The following F2R variants were observed in gnomAD, a reference collection of about 807,000 sequenced individuals.
The protein encoded by F2R is coagulation factor II thrombin receptor.
Under a neutral mutation model 18.3 loss-of-function variants are expected in F2R, and 12 were observed. That is an observed-to-expected ratio of 0.66 (90% confidence interval 0.42 to 1.06). The LOEUF (loss-of-function observed/expected upper bound fraction) is 1.06, where lower values mean the gene tolerates loss of function less well. F2R is among the 50% of genes least tolerant of loss of function. The pLI, the probability that F2R is intolerant of heterozygous loss-of-function variation, is 0.00. For missense variants in F2R, 438 were observed against 530.8 expected (o/e 0.83, Z 1.72); for synonymous variants, 210 against 219.9 (o/e 0.95, Z 0.40).
At chr5:76,718,265 A>T (rs2227752) in intron 1 of F2R, among the ~76,000 whole-genome samples, 4,089 of 152,308 alleles carry the variant, frequency 0.027, 174 homozygotes, top group African/African-American at 0.092. Context: ...AGCAATTAGG[A>T]ATAAGTGGGG....
chr5:76,716,409 G>A lies in F2R; in HGVS notation c.88+14G>A. 7.0e-7 allele frequency: 1 copy of A among 1,425,946 alleles called. No homozygotes were observed. The highest frequency in any genetic ancestry group is 9.2e-7 in the Non-Finnish European group (1 of 1,092,092). The allele number at this position is 1,425,946 out of a possible 1,614,324, so 88.3% of individuals were successfully genotyped here. A position where few individuals can be genotyped will look rare whatever the true frequency, so the allele number is the denominator to read the frequency against. ...CCCGCAGGCCAGGTGAGAGATGCAC[G>A]GGAATGGGGTGCGCGGGCGGAGGGA... On this transcript the variant is annotated intron_variant, in intron 1 of 1. Coordinates refer to ENST00000319211, the MANE Select transcript of F2R (RefSeq NM_001992.5).
chr5:76,719,588 C>A (rs924637855), intron 1 of F2R, among the ~76,000 whole-genome samples: 54 of 146,124 alleles, frequency 3.7e-4, no homozygotes, highest in African/African-American at 1.3e-3. Context: ...GACTCTCTCT[C>A]AAAAAAAAAA....
chr5:76,723,219 C>T (rs2227827), intron 1 of F2R, among the ~76,000 whole-genome samples: 4,340 of 152,256 alleles, frequency 0.029, 72 homozygotes, highest in Non-Finnish European at 0.042. Context: ...TTCACATGTC[C>T]ACATACTGCC....
intron 1 of F2R, among the ~76,000 whole-genome samples, chr5:76,719,429 A>T (rs1167897037): frequency 2.0e-5 from 3 of 152,188 alleles, no homozygotes; most frequent in Non-Finnish European, 4.4e-5. Flanking sequence ...GTCTCTACTA[A>T]AAATACAAAA....
Position 76,733,089 on chromosome 5 carries a change from C to G in F2R, c.864C>G (p.Val288=). The change falls in exon 2 of 2, where the codon GTC becomes GTG. Residue 288 remains valine, a synonymous_variant. Coordinates refer to ENST00000319211, the MANE Select transcript of F2R (RefSeq NM_001992.5). ...TTGTGCCGCTGATCATTTCCACGGT[C>G]TGTTATGTGTCTATCATTCGATGTC... is the stretch of plus-strand genomic sequence containing the variant. ...FFFVPLIIST[V]CYVSIIRCLS... is the part of the protein sequence containing the mutation. 1 of 1,614,184 alleles carries G rather than the reference C, an allele frequency of 6.2e-7. No individual in the cohort carries two copies. Among genetic ancestry groups the G allele is most frequent in the South Asian group, 1.1e-5 (1 of 91,074 alleles).
Position 76,735,578 on chromosome 5 carries a change from G to A in F2R, c.*2075G>A, listed in dbSNP as rs931511021. The A allele has an allele frequency of 2.0e-5, 3 of 152,130 alleles. No homozygotes were observed. Among genetic ancestry groups the A allele is most frequent in the African/African-American group, 7.2e-5 (3 of 41,424 alleles). The allele number at this position is 152,130 out of a possible 1,614,324, so 9.4% of individuals were successfully genotyped here. A position where few individuals can be genotyped will look rare whatever the true frequency, so the allele number is the denominator to read the frequency against. ...TAATATAACTGTATTGTAAGTAGAAGCTAGCACTGGTTTTATTAATTTAGT... is the reference window on the plus strand; with the variant it reads ...TAATATAACTGTATTGTAAGTAGAAACTAGCACTGGTTTTATTAATTTAGT... On this transcript the variant is annotated 3_prime_UTR_variant, in exon 2 of 2. Coordinates refer to ENST00000319211, the MANE Select transcript of F2R (RefSeq NM_001992.5).
rs1411521587 is a variant in F2R, at chr5:76,734,635, A to G, written c.*1132A>G. On this transcript the variant is annotated 3_prime_UTR_variant, in exon 2 of 2. Transcript: ENST00000319211. Reference sequence around the variant, plus strand: ...CCCATTATGCGCTGTGGCCACTCCAATAGGTGCTGAGTGTACAGAGTGGAA... The same window carrying G: ...CCCATTATGCGCTGTGGCCACTCCAGTAGGTGCTGAGTGTACAGAGTGGAA... The G allele has an allele frequency of 1.3e-5, 2 of 152,306 alleles. No individual in the cohort carries two copies. The highest frequency in any genetic ancestry group is 2.9e-5 in the Non-Finnish European group (2 of 68,054). 9.4% of individuals were successfully genotyped at this position (152,306 alleles called of 1,614,324 possible). A position where few individuals can be genotyped will look rare whatever the true frequency, so the allele number is the denominator to read the frequency against.
chr5:76,721,864 T>G (rs1364121014), intron 1 of F2R, among the ~76,000 whole-genome samples: 6 of 151,180 alleles, frequency 4.0e-5, no homozygotes, highest in African/African-American at 9.9e-5. Flanking sequence ...CTGCATTGTA[T>G]GCATTTTGAT....
intron 1 of F2R, among the ~76,000 whole-genome samples, chr5:76,730,397 A>G (rs1027283651): frequency 6.6e-6 from 1 of 152,194 alleles, no homozygotes; most frequent in Non-Finnish European, 1.5e-5. Flanking sequence ...TAGGCCAAAA[A>G]GACTACGGAT....
At position 76,732,742 on chromosome 5, in the gene F2R, G is replaced by C; in HGVS notation, c.517G>C (p.Glu173Gln). 1 of 1,614,212 alleles carries C rather than the reference G, an allele frequency of 6.2e-7. No individual in the cohort carries two copies. The highest frequency in any genetic ancestry group is 1.1e-5 in the South Asian group (1 of 91,086). The change falls in exon 2 of 2, where the codon GAA becomes CAA. Residue 173 changes from glutamate to glutamine, a missense_variant. By Grantham distance (29) the Glu-to-Gln change is conservative (BLOSUM62 2). Transcript: ENST00000319211. ...FSGSDWQFGS[E>Q]LCRFVTAAFY... ...CGGCAGTGATTGGCAGTTTGGGTCT[G>C]AATTGTGTCGCTTCGTCACTGCAGC... is the stretch of plus-strand genomic sequence containing the variant.
In F2R at chr5:76,723,059, G is replaced by C. The variant is rs1161075222; in HGVS notation, c.88+6664G>C. On this transcript the variant is annotated intron_variant, in intron 1 of 1. Transcript: ENST00000319211. ...CCATCTAGAACAGTGTTTTAAAGAT[G>C]TATTTTTCTGTTTTGTCCTTGAATA... 4.6e-5 allele frequency among the ~76,000 whole-genome samples: 7 copies of C among 152,072 alleles called. No individual in the cohort carries two copies. In the South Asian group the frequency reaches 1.5e-3, roughly 32 times the overall value.
intron 1 of F2R, among the ~76,000 whole-genome samples, chr5:76,729,832 G>A (rs571337370): frequency 6.6e-6 from 1 of 152,268 alleles, no homozygotes; most frequent in Admixed American, 6.5e-5. Flanking sequence ...GACCCAGTAG[G>A]AGATGATTGA....
intron 1 of F2R, among the ~76,000 whole-genome samples, chr5:76,727,193 T>C (rs1210670453): frequency 6.6e-6 from 1 of 152,186 alleles, no homozygotes; most frequent in African/African-American, 2.4e-5. Flanking sequence ...GGAAGGATAA[T>C]AGTAATTTCT....
At position 76,733,648 on chromosome 5, in the gene F2R, T is replaced by A; in HGVS notation, c.*145T>A. Reference sequence around the variant, plus strand: ...GCATACCTGCTTTTTATGGGAGCTGTCAAGCATGTATTTTTGTCAATTACC... The same window carrying A: ...GCATACCTGCTTTTTATGGGAGCTGACAAGCATGTATTTTTGTCAATTACC... On this transcript the variant is annotated 3_prime_UTR_variant, in exon 2 of 2. Transcript: ENST00000319211. 1.6e-6 allele frequency: 1 copy of A among 643,722 alleles called. No homozygotes were observed. The highest frequency in any genetic ancestry group is 2.6e-6 in the Non-Finnish European group (1 of 382,676). 39.9% of individuals were successfully genotyped at this position (643,722 alleles called of 1,614,324 possible).
chr5:76,730,987 G>T (rs776072060), intron 1 of F2R, among the ~76,000 whole-genome samples: 2 of 152,172 alleles, frequency 1.3e-5, no homozygotes, highest in Non-Finnish European at 2.9e-5. Context: ...CCCTCTCTTG[G>T]GCACTACCTT....
intron 1 of F2R, among the ~76,000 whole-genome samples, chr5:76,730,613 G>C (rs1237081222): frequency 2.6e-5 from 4 of 152,106 alleles, no homozygotes; most frequent in Non-Finnish European, 5.9e-5. Flanking sequence ...GGGTATCCTT[G>C]AATATAATTC....
intron 1 of F2R, among the ~76,000 whole-genome samples, chr5:76,719,805 G>C (rs1185624692): frequency 6.6e-6 from 1 of 152,112 alleles, no homozygotes; most frequent in Non-Finnish European, 1.5e-5. Flanking sequence ...CTATCGCCTT[G>C]GTAGCTCAGG....
intron 1 of F2R, among the ~76,000 whole-genome samples, chr5:76,725,672 G>C (rs566445530): frequency 2.0e-5 from 3 of 151,720 alleles, no homozygotes; most frequent in Non-Finnish European, 4.4e-5. Flanking sequence ...ACAAAAACCA[G>C]AATATCAAAC....
At chr5:76,725,087 C>G (rs1383143691) in intron 1 of F2R, among the ~76,000 whole-genome samples, 1 of 152,124 alleles carries the variant, frequency 6.6e-6, no homozygotes, top group African/African-American at 2.4e-5. Flanking sequence ...GCATGAGCCC[C>G]GAAGGGCAGA....
Sources: gnomAD v4.1 joint callset for allele counts (sites outside exome capture counted in the v4.1 genomes callset) on GRCh38, gnomAD v4.1.1 for gene constraint, MANE v1.5 for transcripts, NCBI Gene and HGNC (gene_info 2026-07-23, HGNC 2026-07-21) for gene names.